Variants in COBLL1 observed in about 807,000 individuals in gnomAD.
The protein encoded by COBLL1 is cordon-bleu protein-like 1.
A neutral mutation model predicts 94.8 loss-of-function variants in COBLL1; 50 were observed. The observed-to-expected ratio is 0.53, with a 90% confidence interval of 0.42 to 0.67. The LOEUF is 0.67. Ranked by LOEUF, COBLL1 falls within the 30% of genes least tolerant of loss-of-function variation. The pLI is 0.00. For synonymous variants in COBLL1, 448 were observed against 473.8 expected (o/e 0.95, Z 0.71); for missense variants, 1,362 against 1,348.7 (o/e 1.01, Z -0.15).
chr2:164,814,707 C>A (rs551905572), intron 2 of COBLL1, among the ~76,000 whole-genome samples: 2 of 152,094 alleles, frequency 1.3e-5, no homozygotes, highest in East Asian at 3.8e-4. Flanking sequence ...ACAGAATTTG[C>A]CTATATCATA....
At chr2:164,799,971 T>C (rs965944618) in intron 2 of COBLL1, among the ~76,000 whole-genome samples, 4 of 152,094 alleles carry the variant, frequency 2.6e-5, no homozygotes, top group African/African-American at 9.7e-5. Context: ...AAATACAAAA[T>C]GAAAAGCTGT....
chr2:164,674,765 T>C lies in COBLL1; in HGVS notation n.127-8864A>G, dbSNP rs143077317. Among the ~76,000 whole-genome samples the C allele has an allele frequency of 5.9e-3, 903 of 152,344 alleles. 4 individuals are homozygous for C. The highest frequency in any genetic ancestry group is 0.021 in the African/African-American group (854 of 41,584). On this transcript the variant is annotated intron_variant and non_coding_transcript_variant, in intron 1 of 2. Transcript: ENST00000495084. ...GTGCTAAAAGAAGGTATAGCATGAA[T>C]AATATAACATAGTTCTAACATCTCT... is the stretch of plus-strand genomic sequence containing the variant.
In COBLL1 at chr2:164,802,419, C is replaced by T. The variant is rs551855596; in HGVS notation, c.41+38737G>A. ...ACATCCAAATGTGTATGTGTATTTG[C>T]CAGTAATATATCTGAAGGCAAGAGA... On this transcript the variant is annotated intron_variant, in intron 2 of 13. Transcript: ENST00000652658. Among the ~76,000 whole-genome samples, 10 of 152,152 alleles carry T rather than the reference C, an allele frequency of 6.6e-5. No homozygotes were observed. The East Asian group carries it at 1.9e-3, about 29-fold the overall frequency.
intron 7 of COBLL1, among the ~76,000 whole-genome samples, chr2:164,721,536 G>C (rs1685441076): frequency 6.6e-6 from 1 of 152,080 alleles, no homozygotes; most frequent in African/African-American, 2.4e-5. Context: ...GTGCATAAAG[G>C]TAACTGTGAT....
Position 164,823,927 on chromosome 2 carries a change from T to C in COBLL1, c.41+17229A>G, listed in dbSNP as rs1025524358. On this transcript the variant is annotated intron_variant, in intron 2 of 13. Transcript: ENST00000652658. The stretch of plus-strand genomic sequence containing the variant: ...GCAGAAATGTTCAACAGGTGAAAGG[T>C]TGAAAAAAATGCAGAACACACATAC... 3.3e-5 allele frequency among the ~76,000 whole-genome samples: 5 copies of C among 152,098 alleles called. No homozygotes were observed. The East Asian group carries it at 5.8e-4, about 18-fold the overall frequency.
In COBLL1 at chr2:164,680,847, C is replaced by T. The variant is rs1683007952; in HGVS notation, c.*5099G>A. 6.6e-6 allele frequency: 1 copy of T among 152,080 alleles called. No homozygotes were observed. The highest frequency in any genetic ancestry group is 2.4e-5 in the African/African-American group (1 of 41,396). 9.4% of individuals were successfully genotyped at this position (152,080 alleles called of 1,614,324 possible). ...CTGTGAAATAGACAAATTTAATGAC[C>T]TTCTGAAGGGGGTCTAGATGACTTT... On this transcript the variant is annotated 3_prime_UTR_variant, in exon 14 of 14. Transcript: ENST00000652658.
chr2:164,791,157 C>G (rs1442457988), intron 2 of COBLL1, among the ~76,000 whole-genome samples: 1 of 152,146 alleles, frequency 6.6e-6, no homozygotes, highest in Non-Finnish European at 1.5e-5. Context: ...GAACACTCTC[C>G]TAGTGTTATA....
At chr2:164,835,391 A>T (rs908173723) in intron 2 of COBLL1, among the ~76,000 whole-genome samples, 2 of 152,244 alleles carry the variant, frequency 1.3e-5, no homozygotes, top group African/African-American at 4.8e-5. Context: ...ATGTGAAATA[A>T]GCCAGTCAAA....
chr2:164,674,725 C>T lies in COBLL1; in HGVS notation n.127-8824G>A, dbSNP rs191148026. Among the ~76,000 whole-genome samples, 4 of 152,234 alleles carry T rather than the reference C, an allele frequency of 2.6e-5. No individual in the cohort carries two copies. In the East Asian group the frequency reaches 7.7e-4, roughly 29 times the overall value. On this transcript the variant is annotated intron_variant and non_coding_transcript_variant, in intron 1 of 2. Coordinates refer to the COBLL1 transcript ENST00000495084. Reference sequence around the variant, plus strand: ...AAAAATTGGGTAAACAGCTTTTACACTACAATTATGTTAAGTGCTAAAAGA... The same window carrying T: ...AAAAATTGGGTAAACAGCTTTTACATTACAATTATGTTAAGTGCTAAAAGA...
intron 3 of COBLL1, among the ~76,000 whole-genome samples, chr2:164,734,548 T>C (rs1370645438): frequency 6.6e-6 from 1 of 152,172 alleles, no homozygotes; most frequent in Non-Finnish European, 1.5e-5. Context: ...TACATTCTGG[T>C]TTTTGTATTC....
chr2:164,791,559 C>A (rs996058672), intron 2 of COBLL1, among the ~76,000 whole-genome samples: 1 of 152,084 alleles, frequency 6.6e-6, no homozygotes, highest in Non-Finnish European at 1.5e-5. Flanking sequence ...TGGTGGGTAA[C>A]CTCCATACCA....
At chr2:164,665,690 G>A (rs1435764096) in intron 2 of COBLL1, among the ~76,000 whole-genome samples, 1 of 152,162 alleles carries the variant, frequency 6.6e-6, no homozygotes, top group African/African-American at 2.4e-5. Flanking sequence ...TAATTCAAAT[G>A]TTGTTTGAGA....
chr2:164,743,836 C>A lies in COBLL1; in HGVS notation c.81G>T (p.Glu27Asp). 6.2e-7 allele frequency: 1 copy of A among 1,603,750 alleles called. No homozygotes were observed. Among genetic ancestry groups the A allele is most frequent in the Non-Finnish European group, 8.5e-7 (1 of 1,173,386 alleles). Reference protein sequence around the residue: ...PKAKAPLPPAETKYTDVSSAA... With the variant: ...PKAKAPLPPADTKYTDVSSAA... ...CTGAAGAGACATCAGTATATTTGGT[C>A]TCAGCTGGAGGAAGTGGTGCCTTGG... Residue 27 changes from glutamate to aspartate, a missense_variant, in exon 3 of 14, where the codon GAG becomes GAT. By Grantham distance (45) the Glu-to-Asp change is conservative (BLOSUM62 2). Coordinates refer to ENST00000652658, the MANE Select transcript of COBLL1 (RefSeq NM_001365672.2).
intron 5 of COBLL1, among the ~76,000 whole-genome samples, chr2:164,727,731 G>C (rs180861900): frequency 6.7e-6 from 1 of 150,300 alleles, no homozygotes; most frequent in African/African-American, 2.4e-5. Context: ...TGTGGATGAT[G>C]GCTAAAAAGA....
intron 13 of COBLL1, among the ~76,000 whole-genome samples, chr2:164,691,173 C>A (rs1683571494): frequency 1.3e-5 from 2 of 152,146 alleles, no homozygotes; most frequent in Non-Finnish European, 2.9e-5. Flanking sequence ...ATGGCTGTCA[C>A]TCATACCTCC....
chr2:164,666,795 C>A (rs957029520), intron 1 of COBLL1, among the ~76,000 whole-genome samples: 1 of 152,220 alleles, frequency 6.6e-6, no homozygotes, highest in South Asian at 2.1e-4. Flanking sequence ...CCAGTCACAT[C>A]TTCAGGCTCC....
chr2:164,747,383 A>C (rs1399905834), intron 2 of COBLL1, among the ~76,000 whole-genome samples: 2 of 152,186 alleles, frequency 1.3e-5, no homozygotes, highest in Non-Finnish European at 1.5e-5. Context: ...TTCCTCAGGT[A>C]GTTTGTATCT....
At chr2:164,668,018 C>T (rs1043148052) in intron 1 of COBLL1, among the ~76,000 whole-genome samples, 4 of 148,922 alleles carry the variant, frequency 2.7e-5, no homozygotes, top group African/African-American at 1.0e-4. Flanking sequence ...GAGCTCAGCT[C>T]ACTGCAACCT....
At chr2:164,774,423 AGAT>A (rs1470539421) in intron 2 of COBLL1, among the ~76,000 whole-genome samples, 1 of 152,184 alleles carries the variant, frequency 6.6e-6, no homozygotes, top group African/African-American at 2.4e-5. Flanking sequence ...TTAAACAGCT[AGAT>A]TTTATAGTCA....
Sources: gnomAD v4.1 joint callset for allele counts (sites outside exome capture counted in the v4.1 genomes callset) on GRCh38, gnomAD v4.1.1 for gene constraint, MANE v1.5 for transcripts, NCBI Gene and HGNC (gene_info 2026-07-23, HGNC 2026-07-21) for gene names.